Variants in CYP19A1 observed in about 807,000 individuals in gnomAD.
CYP19A1 encodes cytochrome P450 family 19 subfamily A member 1.
CYP19A1 carries 32 observed loss-of-function variants against 44.4 expected under a neutral mutation model. That is an observed-to-expected ratio of 0.72 (90% CI 0.54 to 0.97). The LOEUF (loss-of-function observed/expected upper bound fraction) is 0.97. Ranked by LOEUF, CYP19A1 falls within the 50% of genes least tolerant of loss-of-function variation. The pLI is 0.00. For missense variants in CYP19A1, 598 were observed against 637.8 expected, an observed-to-expected ratio of 0.94 and a Z score of 0.67; for synonymous variants, 212 against 215.6, an observed-to-expected ratio of 0.98 and a Z score of 0.14.
At chr15:51,329,907 T>C (rs952184166) in intron 1 of CYP19A1, among the ~76,000 whole-genome samples, 1 of 152,170 alleles carries the variant, frequency 6.6e-6, no homozygotes, top group African/African-American at 2.4e-5. Flanking sequence ...TACACCAGGA[T>C]GGGTAAATAC....
chr15:51,228,694 T>C (rs2032791402), intron 3 of CYP19A1, among the ~76,000 whole-genome samples: 1 of 152,220 alleles, frequency 6.6e-6, no homozygotes, highest in African/African-American at 2.4e-5. Flanking sequence ...GCAATTTGCA[T>C]GATGCTCAAT....
intron 1 of CYP19A1, among the ~76,000 whole-genome samples, chr15:51,331,691 T>C (rs2036704284): frequency 6.6e-6 from 1 of 152,228 alleles, no homozygotes; most frequent in Middle Eastern, 3.2e-3. Context: ...GGCTTTACTA[T>C]TTTTCACATT....
chr15:51,253,273 T>G (rs1013209708), intron 1 of CYP19A1, among the ~76,000 whole-genome samples: 2 of 152,220 alleles, frequency 1.3e-5, no homozygotes, highest in African/African-American at 4.8e-5. Flanking sequence ...CTTATTATGA[T>G]TCAGTCTCCA....
Position 51,211,048 on chromosome 15 carries a change from A to C in CYP19A1, c.1272T>G (p.Tyr424Ter). The change falls in exon 10 of 10, where the codon TAT becomes TAG. Residue 424 changes from tyrosine to a stop codon, truncating the protein, a stop_gained. Transcript: ENST00000396402. LOFTEE classifies it high-confidence loss of function. The part of the protein sequence containing the change: ...TLENFAKNVP[Y>*]RYFQPFGFGP... ...CAAAGCCAAATGGCTGAAAGTACCT[A>C]TAAGGAACCTATGAAAATGATCAGA... is the stretch of plus-strand genomic sequence containing the variant. The C allele has an allele frequency of 1.3e-6, 2 of 1,581,390 alleles. No homozygotes were observed. Among genetic ancestry groups the C allele is most frequent in the Non-Finnish European group, 1.7e-6 (2 of 1,150,286 alleles).
At chr15:51,237,212 G>C (rs917867554) in intron 2 of CYP19A1, among the ~76,000 whole-genome samples, 2 of 152,160 alleles carry the variant, frequency 1.3e-5, no homozygotes, top group Non-Finnish European at 2.9e-5. Context: ...ACTTCTCCAT[G>C]AGTAAAAAGG....
Position 51,237,024 on chromosome 15 carries a change from A to G in CYP19A1, c.146-15T>C. ...GTAGCCAGGACCTAGGACAGGTGTC[A>G]GAGCATAAGCAACATCTTAGTTACA... is the stretch of plus-strand genomic sequence containing the variant. On this transcript the variant is annotated splice_polypyrimidine_tract_variant and intron_variant, in intron 2 of 9. Transcript: ENST00000396402. 6.2e-7 allele frequency: 1 copy of G among 1,614,128 alleles called. No individual in the cohort carries two copies. The highest frequency in any genetic ancestry group is 1.1e-5 in the South Asian group (1 of 91,082).
intron 1 of CYP19A1, among the ~76,000 whole-genome samples, chr15:51,247,066 T>C (rs2034092501): frequency 6.6e-6 from 1 of 152,164 alleles, no homozygotes; most frequent in Non-Finnish European, 1.5e-5. Flanking sequence ...TTCTGTGGCG[T>C]TGGACCCATT....
rs753996652 is a variant in CYP19A1 at position 51,215,821 on chromosome 15, GA to G, written c.744-5del. On this transcript the variant is annotated splice_polypyrimidine_tract_variant and splice_region_variant and intron_variant, in intron 6 of 9. Coordinates refer to ENST00000396402, the MANE Select transcript of CYP19A1 (RefSeq NM_000103.4). ...TATGGCATCTTTCAAATCCTTGCTG[GA>G]AAAAAAGTCAAAATATTGTCTATTT... 1.5e-5 allele frequency: 25 copies of G among 1,613,294 alleles called. No homozygotes were observed. In the East Asian group the frequency reaches 2.5e-4, roughly 16 times the overall value.
intron 5 of CYP19A1, 194 bp downstream of exon 5, chr15:51,222,155 C>T: frequency 1.0e-6 from 1 of 990,508 alleles, no homozygotes; most frequent in Non-Finnish European, 1.4e-6. Flanking sequence ...GATGCTGGCC[C>T]CTACTTTATG....
At chr15:51,257,222 T>A (rs899842560) in intron 1 of CYP19A1, among the ~76,000 whole-genome samples, 1 of 152,190 alleles carries the variant, frequency 6.6e-6, no homozygotes, top group Non-Finnish European at 1.5e-5. Flanking sequence ...ACCCATGAAG[T>A]AGATTCTATT....
intron 1 of CYP19A1, among the ~76,000 whole-genome samples, chr15:51,322,169 C>G (rs2036539419): frequency 1.3e-5 from 2 of 152,182 alleles, no homozygotes; most frequent in Non-Finnish European, 2.9e-5. Flanking sequence ...GAGTGAAAAC[C>G]TGCGAGCCCC....
At chr15:51,211,169 G>T (rs1263567712) in intron 9 of CYP19A1, 113 bp from the exon 10 acceptor site, 2 of 741,238 alleles carry the variant, frequency 2.7e-6, no homozygotes, top group East Asian at 5.2e-5. Context: ...GGGGTTATCA[G>T]CTACAATGCC....
chr15:51,272,374 TA>T (rs1314529133), intron 1 of CYP19A1, among the ~76,000 whole-genome samples: 2 of 152,196 alleles, frequency 1.3e-5, no homozygotes, highest in African/African-American at 4.8e-5. Context: ...TATTTAACTT[TA>T]TAGCACCAGC....
chr15:51,257,865 A>T (rs1410818503), intron 1 of CYP19A1, among the ~76,000 whole-genome samples: 1 of 152,232 alleles, frequency 6.6e-6, no homozygotes, highest in Non-Finnish European at 1.5e-5. Context: ...TTGTGTGTGC[A>T]AATGTGTACA....
At chr15:51,262,787 C>T (rs2034778363) in intron 1 of CYP19A1, among the ~76,000 whole-genome samples, 1 of 152,240 alleles carries the variant, frequency 6.6e-6, no homozygotes, top group East Asian at 1.9e-4. Context: ...ATGATACTTG[C>T]TTTGGCCTTT....
chr15:51,242,300 A>G (rs1260465396), intron 2 of CYP19A1: 1 of 204,486 alleles, frequency 4.9e-6, no homozygotes, highest in Non-Finnish European at 1.0e-5. Flanking sequence ...AGAGAAAATG[A>G]TGAGTGGAAT....
Position 51,236,927 on chromosome 15 carries a change from G to A in CYP19A1, c.228C>T (p.Tyr76=), listed in dbSNP as rs775978298. 1.5e-5 allele frequency: 24 copies of A among 1,614,066 alleles called. 1 individual carries two copies. The East Asian group carries it at 3.3e-4, about 22-fold the overall frequency. ...TGAATTCTCCATATACCCGGTTGTA[G>A]TAGTTGCAGGCACTGCCGATCCCCA... ...LWMGIGSACN[Y]YNRVYGEFMR... is the part of the protein sequence containing the mutation. The change falls in exon 3 of 10, where the codon TAC becomes TAT. Residue 76 remains tyrosine, a synonymous_variant. Transcript: ENST00000396402.
At chr15:51,247,440 C>G (rs2034111038) in intron 1 of CYP19A1, among the ~76,000 whole-genome samples, 1 of 150,610 alleles carries the variant, frequency 6.6e-6, no homozygotes, top group African/African-American at 2.5e-5. Context: ...ACCTTCTCCC[C>G]CTGTCCTTAC....
At chr15:51,246,947 C>T (rs548676259) in intron 1 of CYP19A1, among the ~76,000 whole-genome samples, 7 of 152,302 alleles carry the variant, frequency 4.6e-5, no homozygotes, top group Admixed American at 1.3e-4. Context: ...ATTTCCTCAT[C>T]TCCTGACTTC....
Sources: gnomAD v4.1 joint callset for allele counts (sites outside exome capture counted in the v4.1 genomes callset) on GRCh38, gnomAD v4.1.1 for gene constraint, MANE v1.5 for transcripts, NCBI Gene and HGNC (gene_info 2026-07-23, HGNC 2026-07-21) for gene names.